PDSS2: variants seen among roughly 807,000 people sequenced by gnomAD.
PDSS2 encodes the protein all trans-polyprenyl-diphosphate synthase PDSS2.
Under a neutral mutation model 44.5 loss-of-function variants are expected in PDSS2, and 31 were observed. The ratio of observed to expected loss-of-function variants is 0.70; its 90% CI spans 0.52 to 0.94. The LOEUF is 0.94. Among genes scored for constraint, PDSS2 ranks in the 40% least tolerant of loss-of-function variants. The pLI is 0.00. For synonymous variants in PDSS2, 157 were observed against 180.3 expected, an observed-to-expected ratio of 0.87 and a Z score of 1.03; for missense variants, 452 against 482.2, an observed-to-expected ratio of 0.94 and a Z score of 0.59.
intron 2 of PDSS2, among the ~76,000 whole-genome samples, chr6:107,324,082 C>T (rs1343514367): frequency 6.6e-6 from 1 of 152,298 alleles, no homozygotes; most frequent in South Asian, 2.1e-4. Context: ...AAAGAGCCTT[C>T]CCTTTTCTTT....
chr6:107,222,771 T>C (rs1773653934), intron 4 of PDSS2, among the ~76,000 whole-genome samples: 2 of 151,684 alleles, frequency 1.3e-5, no homozygotes, highest in African/African-American at 2.4e-5. Context: ...TCTTAGCACA[T>C]AACAGAATAT....
chr6:107,380,990 A>T (rs1779437516), intron 1 of PDSS2, among the ~76,000 whole-genome samples: 1 of 152,190 alleles, frequency 6.6e-6, no homozygotes, highest in African/African-American at 2.4e-5. Context: ...GAAACTATAA[A>T]GTTTTATTTT....
At chr6:107,190,552 A>G (rs1772336499) in intron 7 of PDSS2, among the ~76,000 whole-genome samples, 1 of 152,222 alleles carries the variant, frequency 6.6e-6, no homozygotes, top group Non-Finnish European at 1.5e-5. Context: ...AATATAACAG[A>G]GTAAGAGCAG....
At chr6:107,179,263 T>C (rs766281088) in intron 7 of PDSS2, among the ~76,000 whole-genome samples, 1 of 152,122 alleles carries the variant, frequency 6.6e-6, no homozygotes, top group Non-Finnish European at 1.5e-5. Context: ...GGTTTTATTA[T>C]GATTTAGTTA....
intron 2 of PDSS2, among the ~76,000 whole-genome samples, chr6:107,289,484 G>A (rs572123247): frequency 1.1e-4 from 17 of 151,992 alleles, no homozygotes; most frequent in African/African-American, 3.6e-4. Flanking sequence ...TGGATTGCTC[G>A]AGCCCAGGAA....
intron 7 of PDSS2, among the ~76,000 whole-genome samples, chr6:107,186,824 C>T (rs1404424810): frequency 6.6e-6 from 1 of 152,194 alleles, no homozygotes; most frequent in Non-Finnish European, 1.5e-5. Flanking sequence ...TTCTTGATAT[C>T]TGACTTTTCA....
chr6:107,328,968 A>G (rs1244038571), intron 2 of PDSS2, among the ~76,000 whole-genome samples: 1 of 152,180 alleles, frequency 6.6e-6, no homozygotes, highest in Non-Finnish European at 1.5e-5. Flanking sequence ...GCCAATTTTT[A>G]ACTGCTTGCT....
In PDSS2 at chr6:107,153,517, CCAA is replaced by C. The variant is rs1318562103; in HGVS notation, c.*1099_*1101del. 2.8e-4 allele frequency: 42 copies of C among 152,250 alleles called. No homozygotes were observed. Among genetic ancestry groups the C allele is most frequent in the African/African-American group, 9.9e-4 (41 of 41,320 alleles). The allele number at this position is 152,250 out of a possible 1,614,324, so 9.4% of individuals were successfully genotyped here. ...CGTAAAAATTAAAGTATGCCTTAAACCAAAGTATTACAAATGAATACATTTCAC... is the reference window on the plus strand; with the variant it reads ...CGTAAAAATTAAAGTATGCCTTAAACAGTATTACAAATGAATACATTTCAC... On this transcript the variant is annotated 3_prime_UTR_variant, in exon 8 of 8. Coordinates refer to ENST00000369037, the MANE Select transcript of PDSS2 (RefSeq NM_020381.4).
chr6:107,204,638 A>G (rs1387861403), intron 6 of PDSS2, among the ~76,000 whole-genome samples: 1 of 151,974 alleles, frequency 6.6e-6, no homozygotes, highest in Non-Finnish European at 1.5e-5. Context: ...TTGCTATCCA[A>G]TCTTCTTTAA....
intron 3 of PDSS2, among the ~76,000 whole-genome samples, chr6:107,263,930 T>C (rs1470086001): frequency 6.6e-6 from 1 of 150,590 alleles, no homozygotes. Context: ...CTGCATCCCT[T>C]TACCCTAGTC....
At chr6:107,334,371 T>A in intron 1 of PDSS2, 39 bp from the exon 2 acceptor site, 1 of 1,594,580 alleles carries the variant, frequency 6.3e-7, no homozygotes, top group African/African-American at 1.3e-5. Context: ...TAATATACCC[T>A]CACGAGATCA....
At chr6:107,292,242 T>G (rs1401660318) in intron 2 of PDSS2, among the ~76,000 whole-genome samples, 1 of 151,874 alleles carries the variant, frequency 6.6e-6, no homozygotes, top group Non-Finnish European at 1.5e-5. Flanking sequence ...AAAAAAACCT[T>G]TAAAACAAAA....
rs1770754803 is a variant in PDSS2, at chr6:107,152,737, G to A, written c.*1882C>T. 2 of 152,100 alleles carry A rather than the reference G, an allele frequency of 1.3e-5. No homozygotes were observed. Among genetic ancestry groups the A allele is most frequent in the Non-Finnish European group, 2.9e-5 (2 of 68,032 alleles). The allele number at this position is 152,100 out of a possible 1,614,324, so 9.4% of individuals were successfully genotyped here. Reference sequence around the variant, plus strand: ...AAGAGGCGCCCTAGGATCCTGCCTGGTGCCCTGCAGTGCCCGACCATCTGC... The same window carrying A: ...AAGAGGCGCCCTAGGATCCTGCCTGATGCCCTGCAGTGCCCGACCATCTGC... On this transcript the variant is annotated 3_prime_UTR_variant, in exon 8 of 8. Coordinates refer to ENST00000369037, the MANE Select transcript of PDSS2 (RefSeq NM_020381.4).
At chr6:107,241,038 C>T (rs1774405329) in intron 4 of PDSS2, among the ~76,000 whole-genome samples, 1 of 151,720 alleles carries the variant, frequency 6.6e-6, no homozygotes, top group African/African-American at 2.4e-5. Flanking sequence ...CGCTTGAGGC[C>T]AGGAGTTCAA....
intron 7 of PDSS2, among the ~76,000 whole-genome samples, chr6:107,187,025 C>A (rs1349986416): frequency 6.6e-6 from 1 of 152,078 alleles, no homozygotes; most frequent in Admixed American, 6.6e-5. Context: ...AACATCATGA[C>A]CACAAAAAGC....
intron 7 of PDSS2, among the ~76,000 whole-genome samples, chr6:107,189,496 C>A (rs889290078): frequency 6.6e-6 from 1 of 152,046 alleles, no homozygotes; most frequent in Non-Finnish European, 1.5e-5. Flanking sequence ...TGCTACCACA[C>A]CCGGCTAATT....
chr6:107,183,899 A>AC (rs1374422405), intron 7 of PDSS2, among the ~76,000 whole-genome samples: 1 of 151,116 alleles, frequency 6.6e-6, no homozygotes, highest in Non-Finnish European at 1.5e-5. Context: ...CATCTCAAAA[A>AC]AAAAAGAGAG....
chr6:107,220,897 A>T (rs1007714473), intron 4 of PDSS2, among the ~76,000 whole-genome samples: 4 of 152,196 alleles, frequency 2.6e-5, no homozygotes, highest in African/African-American at 9.7e-5. Flanking sequence ...ATATACTAAG[A>T]GAGCATGCTC....
chr6:107,360,374 T>C (rs374637724), intron 1 of PDSS2, among the ~76,000 whole-genome samples: 2 of 152,136 alleles, frequency 1.3e-5, no homozygotes, highest in Non-Finnish European at 2.9e-5. Context: ...ATGTGGTGCA[T>C]AGAGTCTGTG....
Sources: gnomAD v4.1 joint callset for allele counts (sites outside exome capture counted in the v4.1 genomes callset) on GRCh38, gnomAD v4.1.1 for gene constraint, MANE v1.5 for transcripts, NCBI Gene and HGNC (gene_info 2026-07-23, HGNC 2026-07-21) for gene names.